BZW2: variants seen among roughly 807,000 people sequenced by gnomAD.
BZW2 encodes basic leucine zipper and W2 domains 2.
Under a neutral mutation model 53.2 loss-of-function variants are expected in BZW2, and 23 were observed. The observed-to-expected ratio is 0.43, with a 90% CI of 0.31 to 0.61. BZW2 has a LOEUF of 0.61. Among genes scored for constraint, BZW2 ranks in the 20% least tolerant of loss-of-function variants. The probability of loss-of-function intolerance (pLI) is 0.09; values close to 1 mark genes in which losing one functional copy is unlikely to be tolerated. For synonymous variants in BZW2, 227 were observed against 186.4 expected, an observed-to-expected ratio of 1.22 and a Z score of -1.77; for missense variants, 409 against 503.1, an observed-to-expected ratio of 0.81 and a Z score of 1.79.
chr7:16,658,222 G>A (rs1331197374), intron 1 of BZW2, among the ~76,000 whole-genome samples: 1 of 152,124 alleles, frequency 6.6e-6, no homozygotes, highest in Non-Finnish European at 1.5e-5. Flanking sequence ...TAGAGACCAG[G>A]AAGTGATTCC....
intron 1 of BZW2, among the ~76,000 whole-genome samples, chr7:16,659,112 A>T (rs1782189293): frequency 6.6e-6 from 1 of 151,950 alleles, no homozygotes; most frequent in South Asian, 2.1e-4. Flanking sequence ...AAAAAACAAT[A>T]AAAAAAGTAT....
intron 9 of BZW2, among the ~76,000 whole-genome samples, chr7:16,697,604 T>C (rs186383108): frequency 1.8e-4 from 28 of 152,346 alleles, no homozygotes; most frequent in African/African-American, 6.3e-4. Flanking sequence ...ACAATGGCTA[T>C]GCCTCAGTGT....
At chr7:16,650,155 C>T (rs942367400) in intron 1 of BZW2, among the ~76,000 whole-genome samples, 1 of 152,102 alleles carries the variant, frequency 6.6e-6, no homozygotes, top group African/African-American at 2.4e-5. Flanking sequence ...GTGAACAATG[C>T]GTTTCCATAA....
intron 7 of BZW2, among the ~76,000 whole-genome samples, chr7:16,692,773 C>G (rs1340736984): frequency 6.6e-6 from 1 of 152,048 alleles, no homozygotes; most frequent in Non-Finnish European, 1.5e-5. Flanking sequence ...CAAAACAAAA[C>G]AAAACAAAAT....
At chr7:16,671,930 CAA>C (rs56356463) in intron 2 of BZW2, among the ~76,000 whole-genome samples, 42 of 99,318 alleles carry the variant, frequency 4.2e-4, no homozygotes, top group African/African-American at 5.0e-4. Context: ...GACCCTGTTT[CAA>C]AAAAAAAAAA....
intron 3 of BZW2, among the ~76,000 whole-genome samples, chr7:16,680,091 C>G (rs1053877801): frequency 6.6e-6 from 1 of 152,078 alleles, no homozygotes; most frequent in Non-Finnish European, 1.5e-5. Context: ...GCATCGGAGT[C>G]CATGCTATTC....
chr7:16,696,447 G>A (rs1347166707), intron 8 of BZW2, among the ~76,000 whole-genome samples: 1 of 152,196 alleles, frequency 6.6e-6, no homozygotes, highest in East Asian at 1.9e-4. Context: ...TGGGGCATAA[G>A]GATCATCAAA....
At position 16,698,631 on chromosome 7, in the gene BZW2, C is replaced by G. The variant is rs188709513; in HGVS notation, c.1108+445C>G. ...TTACTTTGTATTTTAGTTACTTGGCCCAGCCATTCTCCTGTTTTCCAAGGG... is the reference window on the plus strand; with the variant it reads ...TTACTTTGTATTTTAGTTACTTGGCGCAGCCATTCTCCTGTTTTCCAAGGG... On this transcript the variant is annotated intron_variant, in intron 10 of 11. Coordinates refer to ENST00000258761, the MANE Select transcript of BZW2 (RefSeq NM_014038.3). 3.9e-5 allele frequency among the ~76,000 whole-genome samples: 6 copies of G among 152,116 alleles called. No homozygotes were observed. The East Asian group carries it at 1.2e-3, about 29-fold the overall frequency.
At chr7:16,701,214 A>T (rs1783656200) in intron 10 of BZW2, among the ~76,000 whole-genome samples, 1 of 152,194 alleles carries the variant, frequency 6.6e-6, no homozygotes, top group African/African-American at 2.4e-5. Context: ...AGAAACAGTA[A>T]ATCCATTGCT....
At chr7:16,649,750 CT>C (rs2128349287) in intron 1 of BZW2, among the ~76,000 whole-genome samples, 1 of 151,974 alleles carries the variant, frequency 6.6e-6, no homozygotes, top group African/African-American at 2.4e-5. Flanking sequence ...GATTACTTAT[CT>C]TTTAGAGATA....
At chr7:16,673,843 A>C (rs951682660) in intron 2 of BZW2, among the ~76,000 whole-genome samples, 1 of 152,216 alleles carries the variant, frequency 6.6e-6, no homozygotes, top group Admixed American at 6.5e-5. Flanking sequence ...GTAGATATAC[A>C]TATATGGCTC....
At chr7:16,687,089 C>T (rs1338601614) in intron 6 of BZW2, 1 of 152,040 alleles carries the variant, frequency 6.6e-6, no homozygotes, top group East Asian at 1.9e-4. Context: ...AAATAATTGC[C>T]TTTCTAGTTT....
At chr7:16,673,260 T>G (rs1345654084) in intron 2 of BZW2, among the ~76,000 whole-genome samples, 1 of 152,144 alleles carries the variant, frequency 6.6e-6, no homozygotes, top group African/African-American at 2.4e-5. Context: ...CTTATCCACT[T>G]TCTAAGGAAA....
intron 9 of BZW2, among the ~76,000 whole-genome samples, chr7:16,697,570 T>G (rs1048892331): frequency 6.6e-6 from 1 of 152,190 alleles, no homozygotes; most frequent in Non-Finnish European, 1.5e-5. Context: ...GAGATAAGTA[T>G]TGAATTGAGT....
At chr7:16,700,187 A>G (rs1332262549) in intron 10 of BZW2, among the ~76,000 whole-genome samples, 1 of 152,182 alleles carries the variant, frequency 6.6e-6, no homozygotes, top group African/African-American at 2.4e-5. Flanking sequence ...TTTCTAGGTA[A>G]TTTTGTAATT....
chr7:16,684,816 GT>G (rs1341100715), intron 5 of BZW2, among the ~76,000 whole-genome samples: 1 of 152,134 alleles, frequency 6.6e-6, no homozygotes, highest in Non-Finnish European at 1.5e-5. Context: ...AAATGGACTG[GT>G]TTGTTTCCAG....
intron 1 of BZW2, among the ~76,000 whole-genome samples, chr7:16,647,585 T>C (rs1019271225): frequency 2.6e-5 from 4 of 152,208 alleles, no homozygotes; most frequent in African/African-American, 9.7e-5. Context: ...ATGAAAATGG[T>C]TTGAAATTAT....
Position 16,650,378 on chromosome 7 carries a change from T to A in BZW2, c.-8+4090T>A, listed in dbSNP as rs1781954435. Among the ~76,000 whole-genome samples the A allele has an allele frequency of 2.0e-5, 3 of 152,128 alleles. No homozygotes were observed. In the South Asian group the frequency reaches 6.2e-4, roughly 32 times the overall value. ...GATACTGATGTTCTTCTGTGCGTCA[T>A]AATCCAACTCAGAAGGCATTCCAAA... On this transcript the variant is annotated intron_variant, in intron 1 of 11. Transcript: ENST00000258761.
At chr7:16,655,601 A>C (rs1411145252) in intron 1 of BZW2, among the ~76,000 whole-genome samples, 1 of 152,138 alleles carries the variant, frequency 6.6e-6, no homozygotes, top group East Asian at 1.9e-4. Context: ...TCTATTGTGC[A>C]ATAGAACACT....
Sources: allele counts gnomAD v4.1 joint callset (sites outside exome capture counted in the v4.1 genomes callset), GRCh38; gene constraint gnomAD v4.1.1; transcripts MANE v1.5; gene names NCBI Gene and HGNC (gene_info 2026-07-23, HGNC 2026-07-21).